The following HHLA1 variants were observed in gnomAD, a reference collection of about 807,000 sequenced individuals.
HHLA1 encodes the protein HERV-H LTR-associating protein 1.
A neutral mutation model predicts 69.9 loss-of-function variants in HHLA1; 72 were observed. The observed-to-expected ratio is 1.03, with a 90% confidence interval of 0.85 to 1.25. The LOEUF is 1.25. Ranked by LOEUF, HHLA1 falls within the 50% of genes most tolerant of loss-of-function variation. The probability of loss-of-function intolerance (pLI) is 0.00; values close to 1 mark genes in which losing one functional copy is unlikely to be tolerated. For synonymous variants in HHLA1, 252 were observed against 233.2 expected (o/e 1.08, Z -0.73); for missense variants, 685 against 642.2 (o/e 1.07, Z -0.72).
intron 10 of HHLA1, 48 bp downstream of exon 10, chr8:132,087,605 C>T (rs1383403851): frequency 1.6e-6 from 2 of 1,256,188 alleles, no homozygotes; most frequent in Non-Finnish European, 2.3e-6. Context: ...CCAGGTGGGA[C>T]CCTGGTCTGG....
At chr8:132,110,061 A>G (rs550123880) in intron 1 of HHLA1, among the ~76,000 whole-genome samples, 2 of 152,316 alleles carry the variant, frequency 1.3e-5, no homozygotes, top group African/African-American at 4.8e-5. Flanking sequence ...CCGCCAATCA[A>G]CAAGGGTCCC....
chr8:132,062,067 C>A lies in HHLA1; in HGVS notation c.*1928G>T, dbSNP rs1428361760. 6.6e-6 allele frequency: 1 copy of A among 152,180 alleles called. No homozygotes were observed. Among genetic ancestry groups the A allele is most frequent in the Non-Finnish European group, 1.5e-5 (1 of 68,046 alleles). 9.4% of individuals were successfully genotyped at this position (152,180 alleles called of 1,614,324 possible). A position where few individuals can be genotyped will look rare whatever the true frequency, so the allele number is the denominator to read the frequency against. The stretch of plus-strand genomic sequence containing the variant: ...TGATGATAAGTTACTCTTTGAGGAA[C>A]CTTGAGGACCCTCTCCTGTCAAAGG... On this transcript the variant is annotated 3_prime_UTR_variant, in exon 17 of 17. Coordinates refer to ENST00000414222, the MANE Select transcript of HHLA1 (RefSeq NM_001145095.3).
chr8:132,091,942 G>A (rs1183669497), intron 7 of HHLA1, among the ~76,000 whole-genome samples: 1 of 152,194 alleles, frequency 6.6e-6, no homozygotes, highest in Admixed American at 6.5e-5. Flanking sequence ...TTACACAGGT[G>A]TTCATCACAG....
intron 14 of HHLA1, among the ~76,000 whole-genome samples, chr8:132,072,447 T>C (rs1586724402): frequency 6.6e-6 from 1 of 152,080 alleles, no homozygotes; most frequent in Admixed American, 6.6e-5. Flanking sequence ...TATTTATTTA[T>C]TAAAAATTTG....
Position 132,089,546 on chromosome 8 carries a change from C to A in HHLA1, c.502G>T (p.Glu168Ter). The change falls in exon 8 of 17, where the codon GAG (glutamate) becomes TAG (stop). Residue 168 changes from glutamate (E) to a stop codon, truncating the protein, a stop_gained. Transcript: ENST00000414222. LOFTEE classifies it high-confidence loss of function. ...AGGATGGAGGTTGACTTAAAAATCT[C>A]TGTGAGGTAGCTGGTAGAATTGCCG... ...IIGNSTSYLTEIFKSTSILSV... is the reference protein window; with the variant it reads ...IIGNSTSYLT 6.5e-7 allele frequency: 1 copy of A among 1,532,620 alleles called. No individual in the cohort carries two copies. The highest frequency in any genetic ancestry group is 1.2e-5 in the South Asian group (1 of 83,644). The allele number at this position is 1,532,620 out of a possible 1,614,324, so 94.9% of individuals were successfully genotyped here.
intron 7 of HHLA1, among the ~76,000 whole-genome samples, chr8:132,092,857 A>C (rs1037233481): frequency 2.0e-5 from 3 of 152,098 alleles, no homozygotes; most frequent in Non-Finnish European, 2.9e-5. Flanking sequence ...CTGGCAACCT[A>C]CCTTAGGCTA....
intron 10 of HHLA1, among the ~76,000 whole-genome samples, chr8:132,087,403 AG>A (rs1823880739): frequency 6.6e-6 from 1 of 152,164 alleles, no homozygotes; most frequent in Non-Finnish European, 1.5e-5. Context: ...TGCCCTTCCT[AG>A]TGGGGGAATG....
At chr8:132,108,886 G>A (rs117064271) in intron 1 of HHLA1, among the ~76,000 whole-genome samples, 2 of 152,166 alleles carry the variant, frequency 1.3e-5, no homozygotes, top group Admixed American at 1.3e-4. Flanking sequence ...ACATTATACT[G>A]CCTCTAGAAG....
intron 10 of HHLA1, among the ~76,000 whole-genome samples, chr8:132,082,286 G>T (rs1049873338): frequency 6.6e-6 from 1 of 152,192 alleles, no homozygotes; most frequent in Non-Finnish European, 1.5e-5. Context: ...GATTTTGAGG[G>T]CCTCTAAAAG....
rs536842539 is a variant in HHLA1, at chr8:132,082,158, CAA to C, written c.677-2194_677-2193del. 2.4e-4 allele frequency among the ~76,000 whole-genome samples: 36 copies of C among 152,150 alleles called. 1 individual carries two copies. Among genetic ancestry groups the C allele is most frequent in the African/African-American group, 7.2e-4 (30 of 41,488 alleles). On this transcript the variant is annotated intron_variant, in intron 10 of 16. Coordinates refer to ENST00000414222, the MANE Select transcript of HHLA1 (RefSeq NM_001145095.3). ...ACAATGGTAATTGTGGGAGACTCAACAAAGAGTGAGTATAGCTGAAGGAGCCA... is the reference window on the plus strand; with the variant it reads ...ACAATGGTAATTGTGGGAGACTCAACAGAGTGAGTATAGCTGAAGGAGCCA...
In HHLA1 at chr8:132,062,749, C is replaced by T. The variant is rs942798897; in HGVS notation, c.*1246G>A. The stretch of plus-strand genomic sequence containing the variant: ...GGTGGCAAATCAGTATGTGGGGATG[C>T]AGAAGAAAGTTGACTCCACAGACGT... On this transcript the variant is annotated 3_prime_UTR_variant, in exon 17 of 17. Coordinates refer to ENST00000414222, the MANE Select transcript of HHLA1 (RefSeq NM_001145095.3). 3.9e-5 allele frequency: 6 copies of T among 152,328 alleles called. No homozygotes were observed. The highest frequency in any genetic ancestry group is 1.4e-4 in the African/African-American group (6 of 41,562). 9.4% of individuals were successfully genotyped at this position (152,328 alleles called of 1,614,324 possible).
At chr8:132,105,121 A>G in intron 2 of HHLA1, 66 bp downstream of exon 2, 1 of 1,253,700 alleles carries the variant, frequency 8.0e-7, no homozygotes, top group Non-Finnish European at 1.1e-6. Flanking sequence ...GAGGTTCTCT[A>G]AAGCACAGTG....
At chr8:132,084,503 G>A (rs1427700856) in intron 10 of HHLA1, among the ~76,000 whole-genome samples, 4 of 152,122 alleles carry the variant, frequency 2.6e-5, no homozygotes, top group African/African-American at 4.8e-5. Context: ...CCTATTTTAC[G>A]ACAAGAATTA....
Position 132,077,920 on chromosome 8 carries a change from C to T in HHLA1, c.977G>A (p.Trp326Ter), listed in dbSNP as rs781124073. The T allele has an allele frequency of 7.1e-5, 110 of 1,551,532 alleles. 1 individual carries two copies. In the Middle Eastern group the frequency reaches 1.3e-3, roughly 19 times the overall value. ...TQWLTADRQTWASISSVPWAQ... is the reference protein window; with the variant it reads ...TQWLTADRQT ...CCAGGGCACGGACGATATGGAAGCC[C>T]ACGTCTGTCTGTCAGCTGTCAACCA... The change falls in exon 12 of 17, where the codon TGG (tryptophan) becomes TAG (stop). Residue 326 changes from tryptophan to a stop codon, truncating the protein, a stop_gained. Transcript: ENST00000414222. LOFTEE classifies it high-confidence loss of function.
At chr8:132,067,446 C>T (rs973864558) in intron 15 of HHLA1, among the ~76,000 whole-genome samples, 13 of 152,110 alleles carry the variant, frequency 8.5e-5, no homozygotes, top group Admixed American at 8.5e-4. Flanking sequence ...ATCCAGGATG[C>T]TTTTTGTGAG....
chr8:132,077,895 C>T lies in HHLA1; in HGVS notation c.1002G>A (p.Trp334Ter). 2 of 1,551,524 alleles carry T rather than the reference C, an allele frequency of 1.3e-6. No individual in the cohort carries two copies. Among genetic ancestry groups the T allele is most frequent in the Admixed American group, 2.0e-5 (1 of 50,986 alleles). ...GTTTTTTCTCACTGATGGTCTGAGC[C>T]CAGGGCACGGACGATATGGAAGCCC... ...QTWASISSVP[W>*]AQTISEKKPG... Residue 334 changes from tryptophan (W) to a stop codon, truncating the protein, a stop_gained, in exon 12 of 17, where the codon TGG (tryptophan) becomes TGA (stop). Coordinates refer to ENST00000414222, the MANE Select transcript of HHLA1 (RefSeq NM_001145095.3). LOFTEE classifies it high-confidence loss of function.
intron 4 of HHLA1, among the ~76,000 whole-genome samples, chr8:132,099,853 TA>T (rs879922629): frequency 3.5e-3 from 500 of 141,030 alleles, no homozygotes; most frequent in Middle Eastern, 3.6e-3. Context: ...AAACTCCATC[TA>T]AAAAAAAAAA....
chr8:132,109,996 G>A (rs746996175), intron 1 of HHLA1, among the ~76,000 whole-genome samples: 18 of 151,938 alleles, frequency 1.2e-4, no homozygotes, highest in Non-Finnish European at 2.4e-4. Flanking sequence ...CCCTGGAGCC[G>A]GGAGTGTGGA....
intron 11 of HHLA1, 50 bp from the exon 12 acceptor site, chr8:132,078,021 C>T (rs746609429): frequency 1.2e-5 from 18 of 1,535,736 alleles, no homozygotes; most frequent in Admixed American, 6.0e-5. Flanking sequence ...TTGACCACTT[C>T]GATTCAGACA....
Sources: allele counts gnomAD v4.1 joint callset (sites outside exome capture counted in the v4.1 genomes callset), GRCh38; gene constraint gnomAD v4.1.1; transcripts MANE v1.5; gene names NCBI Gene and HGNC (gene_info 2026-07-23, HGNC 2026-07-21).